Variants in COL25A1 observed in about 807,000 individuals in gnomAD.
COL25A1 encodes the protein collagen alpha-1(XXV) chain.
A neutral mutation model predicts 128.4 loss-of-function variants in COL25A1; 103 were observed. The observed-to-expected ratio is 0.80, with a 90% CI of 0.68 to 0.94. The LOEUF (loss-of-function observed/expected upper bound fraction) is 0.94. Among genes scored for constraint, COL25A1 ranks in the 40% least tolerant of loss-of-function variants. COL25A1 has a pLI of 0.00. For synonymous variants in COL25A1, 279 were observed against 277.2 expected (o/e 1.01, Z -0.06); for missense variants, 745 against 840.0 (o/e 0.89, Z 1.40).
intron 3 of COL25A1, among the ~76,000 whole-genome samples, chr4:109,208,252 T>C (rs1777169997): frequency 6.6e-6 from 1 of 152,174 alleles, no homozygotes; most frequent in African/African-American, 2.4e-5. Flanking sequence ...ACGAGGTAGC[T>C]CTTATGCTTG....
chr4:109,147,074 G>A (rs1433971947), intron 3 of COL25A1, among the ~76,000 whole-genome samples: 2 of 152,196 alleles, frequency 1.3e-5, no homozygotes, highest in African/African-American at 4.8e-5. Flanking sequence ...AAGAGAAGGG[G>A]TAAAATCGCC....
intron 3 of COL25A1, among the ~76,000 whole-genome samples, chr4:109,076,038 T>A (rs560225623): frequency 4.0e-4 from 61 of 152,324 alleles, no homozygotes; most frequent in South Asian, 1.4e-3. Context: ...ATTATTTACA[T>A]AGCACTTATG....
At chr4:109,168,008 C>T (rs1773237448) in intron 3 of COL25A1, among the ~76,000 whole-genome samples, 1 of 152,170 alleles carries the variant, frequency 6.6e-6, no homozygotes, top group Middle Eastern at 3.4e-3. Context: ...AAAGGGATAA[C>T]AGTAATAGTT....
chr4:109,065,120 G>A (rs1238945481), intron 3 of COL25A1, among the ~76,000 whole-genome samples: 1 of 152,162 alleles, frequency 6.6e-6, no homozygotes, highest in Non-Finnish European at 1.5e-5. Flanking sequence ...TGGACTGATG[G>A]CTACAGCTGA....
chr4:109,295,742 A>C (rs17040297), intron 3 of COL25A1, among the ~76,000 whole-genome samples: 4,281 of 152,198 alleles, frequency 0.028, 194 homozygotes, highest in African/African-American at 0.096. Context: ...CCACCCAAAA[A>C]TGAGAACATA....
chr4:108,841,828 G>A, intron 30 of COL25A1, 107 bp from the exon 31 acceptor site: 1 of 931,228 alleles, frequency 1.1e-6, no homozygotes, highest in Admixed American at 2.0e-5. Flanking sequence ...GCATCTTCTT[G>A]TTTGAGCTAT....
intron 5 of COL25A1, among the ~76,000 whole-genome samples, chr4:109,041,345 C>T (rs554273209): frequency 6.0e-5 from 9 of 150,542 alleles, no homozygotes; most frequent in Admixed American, 4.7e-4. Flanking sequence ...TACAGACCAC[C>T]CTTTAAATTT....
At chr4:109,149,036 C>T (rs1771217963) in intron 3 of COL25A1, among the ~76,000 whole-genome samples, 1 of 152,192 alleles carries the variant, frequency 6.6e-6, no homozygotes, top group African/African-American at 2.4e-5. Flanking sequence ...ATCATCACAA[C>T]ATCCTTCAAT....
intron 35 of COL25A1, chr4:108,823,894 T>C (rs1267263669): frequency 2.2e-5 from 30 of 1,382,192 alleles, no homozygotes; most frequent in Non-Finnish European, 2.7e-5. Flanking sequence ...TCAAAAATCC[T>C]TTATTTTTCC....
chr4:109,147,732 G>A (rs1052335755), intron 3 of COL25A1, among the ~76,000 whole-genome samples: 5 of 151,072 alleles, frequency 3.3e-5, no homozygotes, highest in South Asian at 2.1e-4. Flanking sequence ...CACAAGAATC[G>A]CTTGAACCCA....
At chr4:109,149,095 C>T (rs1771222833) in intron 3 of COL25A1, among the ~76,000 whole-genome samples, 2 of 152,194 alleles carry the variant, frequency 1.3e-5, no homozygotes, top group Non-Finnish European at 1.5e-5. Context: ...TCAACTTTCA[C>T]ATACACCCGT....
At chr4:108,864,498 G>A (rs371079989) in intron 20 of COL25A1, among the ~76,000 whole-genome samples, 51 of 152,260 alleles carry the variant, frequency 3.3e-4, no homozygotes, top group South Asian at 1.4e-3. Flanking sequence ...AAAAGTGTTC[G>A]GGTTTTACAG....
At chr4:109,040,764 A>G (rs563856178) in intron 5 of COL25A1, among the ~76,000 whole-genome samples, 2 of 152,294 alleles carry the variant, frequency 1.3e-5, no homozygotes, top group East Asian at 3.9e-4. Context: ...GTGTCCAATC[A>G]TCAACTAATA....
chr4:108,912,670 A>G (rs2125886078), intron 13 of COL25A1, among the ~76,000 whole-genome samples: 1 of 152,318 alleles, frequency 6.6e-6, no homozygotes, highest in African/African-American at 2.4e-5. Context: ...AACTGTGTTT[A>G]GTGTTTATAG....
chr4:109,081,893 G>T (rs527933454), intron 3 of COL25A1, among the ~76,000 whole-genome samples: 1 of 151,946 alleles, frequency 6.6e-6, no homozygotes, highest in Non-Finnish European at 1.5e-5. Context: ...TAGTAGAGAT[G>T]GGGTTTCACT....
Position 108,809,145 on chromosome 4 carries a change from C to A in COL25A1, c.*4782G>T, listed in dbSNP as rs962385224. 1 of 151,700 alleles carries A rather than the reference C, an allele frequency of 6.6e-6. No individual in the cohort carries two copies. The highest frequency in any genetic ancestry group is 1.5e-5 in the Non-Finnish European group (1 of 67,934). The allele number at this position is 151,700 out of a possible 1,614,324, so 9.4% of individuals were successfully genotyped here. ...TAATCAATTGTATGAGACTGGCCCA[C>A]AAACATTTAAAAAAATATGCAGTGT... is the stretch of plus-strand genomic sequence containing the variant. On this transcript the variant is annotated 3_prime_UTR_variant, in exon 38 of 38. Coordinates refer to ENST00000399132, the MANE Select transcript of COL25A1 (RefSeq NM_198721.4).
At position 108,809,862 on chromosome 4, in the gene COL25A1, G is replaced by A. The variant is rs1191482827; in HGVS notation, c.*4065C>T. ...TAGGGATGTATGATTTTAATAGCCA[G>A]AATCACATGTGATTGTTCTTACTTA... On this transcript the variant is annotated 3_prime_UTR_variant, in exon 38 of 38. Transcript: ENST00000399132. 6.6e-6 allele frequency: 1 copy of A among 152,006 alleles called. No individual in the cohort carries two copies. The highest frequency in any genetic ancestry group is 1.5e-5 in the Non-Finnish European group (1 of 67,888). 9.4% of individuals were successfully genotyped at this position (152,006 alleles called of 1,614,324 possible).
chr4:108,994,079 C>A (rs549431901), intron 6 of COL25A1, among the ~76,000 whole-genome samples: 2 of 152,266 alleles, frequency 1.3e-5, no homozygotes, highest in Non-Finnish European at 2.9e-5. Flanking sequence ...AACTGAGGTA[C>A]CTGGTTCATC....
intron 3 of COL25A1, among the ~76,000 whole-genome samples, chr4:109,070,620 T>C (rs1407172317): frequency 2.0e-5 from 3 of 151,882 alleles, no homozygotes; most frequent in Non-Finnish European, 4.4e-5. Flanking sequence ...ATGTGCCATG[T>C]TGGTGTGCTG....
Sources: gnomAD v4.1 joint callset for allele counts (sites outside exome capture counted in the v4.1 genomes callset) on GRCh38, gnomAD v4.1.1 for gene constraint, MANE v1.5 for transcripts, NCBI Gene and HGNC (gene_info 2026-07-23, HGNC 2026-07-21) for gene names.